The following COL22A1 variants were observed in gnomAD, a reference collection of about 807,000 sequenced individuals.
COL22A1 encodes the protein collagen type XXII alpha 1 chain, also known as collagen alpha-1(XXII) chain.
Under a neutral mutation model 248.9 loss-of-function variants are expected in COL22A1, and 221 were observed. The observed-to-expected ratio is 0.89, with a 90% CI of 0.80 to 0.99. The LOEUF (loss-of-function observed/expected upper bound fraction) is 0.99. COL22A1 is among the 50% of genes least tolerant of loss of function. COL22A1 has a pLI of 0.00. For missense variants in COL22A1, 2,240 were observed against 2,179.0 expected (o/e 1.03, Z -0.56); for synonymous variants, 891 against 793.4 (o/e 1.12, Z -2.07).
rs182912777 is a variant in COL22A1, at chr8:138,667,403, A to G, written c.3151-3663T>C. Among the ~76,000 whole-genome samples the G allele has an allele frequency of 1.4e-3, 216 of 152,354 alleles. 4 individuals carry two copies. The South Asian group carries it at 0.016, about 11-fold the overall frequency. ...TAGGTTTGTGTCAAAGGTAATCAGA[A>G]TCGACTTAAATAGACCCCCATTGGC... On this transcript the variant is annotated intron_variant, in intron 41 of 64. Coordinates refer to ENST00000303045, the MANE Select transcript of COL22A1 (RefSeq NM_152888.3).
At position 138,751,467 on chromosome 8, in the gene COL22A1, T is replaced by G. The variant is rs767376729; in HGVS notation, c.2076A>C (p.Gln692His). Residue 692 changes from glutamine to histidine, a missense_variant, in exon 22 of 65, where the codon CAA becomes CAC. By Grantham distance (24) the Gln-to-His change is conservative. Coordinates refer to ENST00000303045, the MANE Select transcript of COL22A1 (RefSeq NM_152888.3). ...PEGRDGPPGL[Q>H]GLRGKKGDMG... Reference sequence around the variant, plus strand: ...AAGAGAGTTTACTTACTCGGAGACCTTGCAAACCAGGAGGTCCATCCCTGC... The same window carrying G: ...AAGAGAGTTTACTTACTCGGAGACCGTGCAAACCAGGAGGTCCATCCCTGC... 2 of 1,611,194 alleles carry G rather than the reference T, an allele frequency of 1.2e-6. No individual in the cohort carries two copies. The highest frequency in any genetic ancestry group is 8.5e-7 in the Non-Finnish European group (1 of 1,178,438).
At chr8:138,806,068 G>GTA in intron 10 of COL22A1, among the ~76,000 whole-genome samples, 1 of 145,674 alleles carries the variant, frequency 6.9e-6, no homozygotes. Flanking sequence ...GTGTGGTGGT[G>GTA]TGTGTGATGG....
chr8:138,724,695 T>C, intron 24 of COL22A1, 27 bp from the exon 25 acceptor site: 1 of 1,607,444 alleles, frequency 6.2e-7, no homozygotes, highest in Non-Finnish European at 8.5e-7. Flanking sequence ...TGGACCCTGT[T>C]AGCCTGGCCT....
At chr8:138,775,899 G>C (rs1814407318) in intron 16 of COL22A1, 67 bp downstream of exon 16, 2 of 1,436,786 alleles carry the variant, frequency 1.4e-6, no homozygotes, top group African/African-American at 2.8e-5. Flanking sequence ...CAGAGCAGAT[G>C]GTTCCATGCA....
intron 27 of COL22A1, among the ~76,000 whole-genome samples, chr8:138,719,933 A>G (rs1829743943): frequency 6.6e-6 from 1 of 152,160 alleles, no homozygotes; most frequent in Admixed American, 6.5e-5. Context: ...ACTCCCCGCA[A>G]TCTCCTGTCT....
chr8:138,761,339 A>G (rs934722239), intron 17 of COL22A1, among the ~76,000 whole-genome samples: 3 of 152,216 alleles, frequency 2.0e-5, no homozygotes, highest in Admixed American at 2.0e-4. Flanking sequence ...CATTCATACC[A>G]TAGACCATTA....
chr8:138,612,483 G>GC (rs968303624), intron 56 of COL22A1, among the ~76,000 whole-genome samples: 42 of 151,482 alleles, frequency 2.8e-4, no homozygotes, highest in South Asian at 1.5e-3. Context: ...GTTCAATTGT[G>GC]CCCCCCCCAA....
At chr8:138,871,581 T>C (rs941120716) in intron 3 of COL22A1, among the ~76,000 whole-genome samples, 3 of 152,216 alleles carry the variant, frequency 2.0e-5, no homozygotes, top group Non-Finnish European at 4.4e-5. Context: ...CTCCTTTCCC[T>C]TCTGGAAAGT....
At chr8:138,912,503 G>A (rs569882414) in intron 1 of COL22A1, among the ~76,000 whole-genome samples, 2 of 152,210 alleles carry the variant, frequency 1.3e-5, no homozygotes, top group African/African-American at 4.8e-5. Flanking sequence ...CACTCTGGGA[G>A]GCCAAGGTGG....
intron 1 of COL22A1, among the ~76,000 whole-genome samples, chr8:138,911,230 C>G (rs1815430278): frequency 6.6e-6 from 1 of 152,224 alleles, no homozygotes; most frequent in Non-Finnish European, 1.5e-5. Flanking sequence ...TCCACTCATC[C>G]TTTTAGCTGG....
chr8:138,676,724 C>T, intron 40 of COL22A1, 89 bp from the exon 41 acceptor site: 1 of 1,007,622 alleles, frequency 9.9e-7, no homozygotes, highest in Admixed American at 2.3e-5. Flanking sequence ...TTCTAGAATC[C>T]TGACTGCAGG....
chr8:138,867,595 G>A (rs946171918), intron 3 of COL22A1, among the ~76,000 whole-genome samples: 1 of 152,118 alleles, frequency 6.6e-6, no homozygotes, highest in Non-Finnish European at 1.5e-5. Flanking sequence ...GCAGACCTGG[G>A]ATTCCACTCT....
At chr8:138,878,503 A>ACTCAC (rs572828276) in intron 2 of COL22A1, among the ~76,000 whole-genome samples, 187 bp from the exon 3 acceptor site, 255 of 152,268 alleles carry the variant, frequency 1.7e-3, no homozygotes, top group African/African-American at 5.9e-3. Context: ...ACATGGCAAT[A>ACTCAC]ATGATGAGTT....
intron 1 of COL22A1, among the ~76,000 whole-genome samples, chr8:138,888,819 T>G (rs1824850411): frequency 6.6e-6 from 1 of 152,190 alleles, no homozygotes; most frequent in South Asian, 2.1e-4. Context: ...AGACAAGGAC[T>G]TGTCGGACTT....
At chr8:138,750,027 T>C (rs1832459521) in intron 22 of COL22A1, among the ~76,000 whole-genome samples, 1 of 152,208 alleles carries the variant, frequency 6.6e-6, no homozygotes, top group African/African-American at 2.4e-5. Context: ...GTTCTCATGA[T>C]AGTAAATGAG....
At chr8:138,768,843 A>C (rs2131442868) in intron 16 of COL22A1, among the ~76,000 whole-genome samples, 1 of 152,266 alleles carries the variant, frequency 6.6e-6, no homozygotes, top group African/African-American at 2.4e-5. Context: ...AGGCTGAGGC[A>C]GCAGAATTGC....
intron 17 of COL22A1, among the ~76,000 whole-genome samples, chr8:138,760,714 C>T (rs774950893): frequency 6.6e-6 from 1 of 152,098 alleles, no homozygotes; most frequent in Non-Finnish European, 1.5e-5. Flanking sequence ...GAAGAGCTGC[C>T]CAGACTCTGG....
At chr8:138,650,226 G>C (rs146148034) in intron 45 of COL22A1, among the ~76,000 whole-genome samples, 86 of 152,180 alleles carry the variant, frequency 5.7e-4, no homozygotes, top group African/African-American at 2.1e-3. Flanking sequence ...GCATTTGCCC[G>C]TCAAGTGGTT....
chr8:138,848,905 C>T (rs564071701), intron 3 of COL22A1, among the ~76,000 whole-genome samples: 3 of 152,262 alleles, frequency 2.0e-5, no homozygotes, highest in Non-Finnish European at 2.9e-5. Context: ...GCAGCCCTGC[C>T]GGATACCAGA....
Sources: allele counts gnomAD v4.1 joint callset (sites outside exome capture counted in the v4.1 genomes callset), GRCh38; gene constraint gnomAD v4.1.1; transcripts MANE v1.5; gene names NCBI Gene and HGNC (gene_info 2026-07-23, HGNC 2026-07-21).